Variants in FSTL4 observed in about 807,000 individuals in gnomAD.
FSTL4 encodes follistatin-related protein 4.
FSTL4 carries 28 observed loss-of-function variants against 78.2 expected under a neutral mutation model. That is an observed-to-expected ratio of 0.36 (90% CI 0.27 to 0.49). FSTL4 has a LOEUF of 0.49. Ranked by LOEUF, FSTL4 falls within the 20% of genes least tolerant of loss-of-function variation. The pLI is 0.98. For missense variants in FSTL4, 922 were observed against 1,084.9 expected (o/e 0.85, Z 2.11); for synonymous variants, 422 against 440.5 (o/e 0.96, Z 0.53).
chr5:133,554,380 C>G (rs893143832), intron 3 of FSTL4, among the ~76,000 whole-genome samples: 8 of 152,194 alleles, frequency 5.3e-5, no homozygotes, highest in South Asian at 2.1e-4. Context: ...TGTCTCTGAT[C>G]CATGACACTC....
intron 3 of FSTL4, among the ~76,000 whole-genome samples, chr5:133,560,067 G>A (rs1368784875): frequency 2.0e-5 from 3 of 152,216 alleles, no homozygotes. Flanking sequence ...GGGACCCTGG[G>A]AGGCAGACAT....
intron 2 of FSTL4, among the ~76,000 whole-genome samples, chr5:133,575,971 T>G (rs1489134854): frequency 6.6e-6 from 1 of 152,214 alleles, no homozygotes; most frequent in Non-Finnish European, 1.5e-5. Flanking sequence ...TACAACAGCT[T>G]TATTCCTCAT....
At chr5:133,793,800 G>A in the FSTL4 span, among the ~76,000 whole-genome samples, 9 of 152,230 alleles carry the variant, frequency 5.9e-5, no homozygotes, top group Admixed American at 5.9e-4. Context: ...CTGATTTGGA[G>A]GGAACCACAG....
At chr5:133,495,854 G>A (rs982964075) in intron 3 of FSTL4, among the ~76,000 whole-genome samples, 2 of 152,208 alleles carry the variant, frequency 1.3e-5, no homozygotes, top group South Asian at 2.1e-4. Context: ...GATGATCAAG[G>A]TGGTTAGAAT....
At chr5:133,711,046 G>A in the FSTL4 span, among the ~76,000 whole-genome samples, 1 of 152,222 alleles carries the variant, frequency 6.6e-6, no homozygotes, top group African/African-American at 2.4e-5. Context: ...GGCCTCTCCA[G>A]ATTCTGGTTG....
At chr5:133,231,365 G>T (rs1050424636) in intron 8 of FSTL4, among the ~76,000 whole-genome samples, 4 of 151,918 alleles carry the variant, frequency 2.6e-5, no homozygotes, top group Non-Finnish European at 4.4e-5. Flanking sequence ...GGACAGGGAG[G>T]GTCTACGTGG....
At chr5:133,621,719 C>A in the FSTL4 span, among the ~76,000 whole-genome samples, 1 of 151,974 alleles carries the variant, frequency 6.6e-6, no homozygotes, top group South Asian at 2.1e-4. Context: ...CTTATGTAAC[C>A]ACATACCACC....
chr5:133,680,071 T>C, the FSTL4 span, among the ~76,000 whole-genome samples: 1 of 152,108 alleles, frequency 6.6e-6, no homozygotes, highest in Admixed American at 6.5e-5. Context: ...TTTCTGTAAA[T>C]CATAAAACCT....
At chr5:133,377,430 C>T (rs549810162) in intron 4 of FSTL4, among the ~76,000 whole-genome samples, 17 of 149,952 alleles carry the variant, frequency 1.1e-4, no homozygotes, top group South Asian at 6.2e-4. Flanking sequence ...GGCCATGGGG[C>T]GAGACAGGCC....
chr5:133,686,921 G>C, the FSTL4 span, among the ~76,000 whole-genome samples: 1 of 152,342 alleles, frequency 6.6e-6, no homozygotes, highest in South Asian at 2.1e-4. Context: ...TGGAAGACTG[G>C]TCCGTCTGGA....
chr5:133,675,272 A>G, the FSTL4 span, among the ~76,000 whole-genome samples: 1 of 152,226 alleles, frequency 6.6e-6, no homozygotes, highest in African/African-American at 2.4e-5. Context: ...AAATGGGAAC[A>G]CAGAGTAACT....
the FSTL4 span, among the ~76,000 whole-genome samples, chr5:133,747,264 T>C: frequency 5.3e-3 from 804 of 152,310 alleles, 6 homozygotes; most frequent in African/African-American, 0.018. Flanking sequence ...CCAAGGAAAT[T>C]ATTCTTAATT....
chr5:133,448,507 C>T (rs375896365), intron 3 of FSTL4, among the ~76,000 whole-genome samples: 393 of 152,278 alleles, frequency 2.6e-3, no homozygotes, highest in African/African-American at 9.1e-3. Flanking sequence ...TCCCTGCTCC[C>T]GGGGCTCACA....
At position 133,426,405 on chromosome 5, in the gene FSTL4, T is replaced by C. The variant is rs60422403; in HGVS notation, c.161-25419A>G. Among the ~76,000 whole-genome samples the C allele has an allele frequency of 0.082, 12,483 of 152,166 alleles. 1,164 individuals are homozygous for C. The highest frequency in any genetic ancestry group is 0.23 in the African/African-American group (9,431 of 41,454). On this transcript the variant is annotated intron_variant, in intron 3 of 15. Coordinates refer to ENST00000265342, the MANE Select transcript of FSTL4 (RefSeq NM_015082.2). This position sits in a 1 kb window ranked among gnomAD's most constrained non-coding sequence, Gnocchi z 5.0. The stretch of plus-strand genomic sequence containing the variant: ...AGCCCATGTCACTTCATGGGGGTTC[T>C]GGGCAGATGAATAGCGCTGCCCTGC...
chr5:133,829,954 CA>C, the FSTL4 span, among the ~76,000 whole-genome samples: 2 of 152,124 alleles, frequency 1.3e-5, no homozygotes. Context: ...AGGTCTTGAA[CA>C]AGACCCTAGC....
At chr5:133,525,889 T>A (rs1759087168) in intron 3 of FSTL4, among the ~76,000 whole-genome samples, 1 of 152,214 alleles carries the variant, frequency 6.6e-6, no homozygotes, top group Admixed American at 6.5e-5. Flanking sequence ...ACTGTCAATA[T>A]TCTCCTAGCT....
the FSTL4 span, among the ~76,000 whole-genome samples, chr5:133,836,908 C>T: frequency 1.3e-5 from 2 of 152,056 alleles, no homozygotes; most frequent in Non-Finnish European, 2.9e-5. Context: ...GTCGTTTTAT[C>T]GTGATGTGTC....
At chr5:133,759,619 T>C in the FSTL4 span, among the ~76,000 whole-genome samples, 1 of 152,184 alleles carries the variant, frequency 6.6e-6, no homozygotes, top group South Asian at 2.1e-4. Flanking sequence ...ATACAAAAAA[T>C]TTTAAGCAAT....
the FSTL4 span, among the ~76,000 whole-genome samples, chr5:133,709,282 A>T: frequency 6.6e-6 from 1 of 152,342 alleles, no homozygotes; most frequent in Admixed American, 6.5e-5. Context: ...GAGCCCATCT[A>T]TTCACTGGAA....
Sources: gnomAD v4.1 joint callset for allele counts (sites outside exome capture counted in the v4.1 genomes callset) on GRCh38, gnomAD v4.1.1 for gene constraint, Gnocchi (gnomAD v3.1) non-coding constraint, MANE v1.5 for transcripts, NCBI Gene and HGNC (gene_info 2026-07-23, HGNC 2026-07-21) for gene names.